SPAG16: variants seen among roughly 807,000 people sequenced by gnomAD.
SPAG16 encodes the protein sperm-associated antigen 16 protein.
SPAG16 carries 86 observed loss-of-function variants against 80.4 expected under a neutral mutation model. The observed-to-expected ratio is 1.07, with a 90% CI of 0.90 to 1.28. The LOEUF (loss-of-function observed/expected upper bound fraction) is 1.28, where lower values mean the gene tolerates loss of function less well. Ranked by LOEUF, SPAG16 falls within the 50% of genes most tolerant of loss-of-function variation. The pLI is 0.00. For synonymous variants in SPAG16, 294 were observed against 265.9 expected (o/e 1.11, Z -1.03); for missense variants, 870 against 765.3 (o/e 1.14, Z -1.61).
intron 1 of SPAG16, among the ~76,000 whole-genome samples, chr2:213,292,183 A>G (rs1476255081): frequency 6.6e-6 from 1 of 152,112 alleles, no homozygotes; most frequent in Admixed American, 6.6e-5. Flanking sequence ...CTTTTAGAGT[A>G]TTTACTTCTT....
intron 10 of SPAG16, among the ~76,000 whole-genome samples, chr2:213,661,475 G>T (rs6435782): frequency 0.39 from 59,570 of 151,834 alleles, 12,254 homozygotes; most frequent in African/African-American, 0.5. Context: ...TGAATGGAAT[G>T]CTAGGTGTGT....
intron 11 of SPAG16, among the ~76,000 whole-genome samples, chr2:213,910,867 G>C (rs1317038993): frequency 6.6e-6 from 1 of 151,996 alleles, no homozygotes; most frequent in Admixed American, 6.6e-5. Flanking sequence ...TCCAAATAAA[G>C]ACAGTAAGTT....
chr2:213,344,625 C>T (rs145676230), intron 6 of SPAG16, among the ~76,000 whole-genome samples: 3,641 of 151,986 alleles, frequency 0.024, 64 homozygotes, highest in African/African-American at 0.04. Flanking sequence ...TGAGAACATG[C>T]GGTGTTTGGT....
intron 10 of SPAG16, among the ~76,000 whole-genome samples, chr2:213,649,512 C>A (rs2062947940): frequency 6.6e-6 from 1 of 152,162 alleles, no homozygotes; most frequent in Non-Finnish European, 1.5e-5. Flanking sequence ...AAAACAGCAA[C>A]AACAGTATAA....
chr2:213,534,015 T>G (rs775409173), intron 10 of SPAG16, among the ~76,000 whole-genome samples: 7 of 152,140 alleles, frequency 4.6e-5, no homozygotes, highest in Non-Finnish European at 1.0e-4. Context: ...TTTTTATTTT[T>G]GATATTCTGA....
At chr2:214,313,654 A>T (rs1695481843) in intron 15 of SPAG16, among the ~76,000 whole-genome samples, 1 of 152,048 alleles carries the variant, frequency 6.6e-6, no homozygotes, top group African/African-American at 2.4e-5. Flanking sequence ...AATAATTTTT[A>T]TATTTTTCTC....
At chr2:214,263,666 G>A (rs1691342955) in intron 15 of SPAG16, among the ~76,000 whole-genome samples, 1 of 152,116 alleles carries the variant, frequency 6.6e-6, no homozygotes, top group South Asian at 2.1e-4. Context: ...TCAGCATATG[G>A]ACAACTCCTT....
chr2:213,567,016 A>G (rs1559262410), intron 10 of SPAG16, among the ~76,000 whole-genome samples: 1 of 152,146 alleles, frequency 6.6e-6, no homozygotes, highest in Non-Finnish European at 1.5e-5. Context: ...TGCTGATAAT[A>G]TAATGTTCAT....
At chr2:214,071,959 T>TTTAA (rs2050806202) in intron 13 of SPAG16, among the ~76,000 whole-genome samples, 1 of 152,148 alleles carries the variant, frequency 6.6e-6, no homozygotes, top group South Asian at 2.1e-4. Context: ...TAGTGAAATT[T>TTTAA]CTCATTGGTT....
At chr2:213,479,653 G>GTT (rs2073644984) in intron 9 of SPAG16, among the ~76,000 whole-genome samples, 1 of 152,142 alleles carries the variant, frequency 6.6e-6, no homozygotes, top group African/African-American at 2.4e-5. Flanking sequence ...TTGGAACTGA[G>GTT]AGGCAACAGG....
intron 15 of SPAG16, among the ~76,000 whole-genome samples, chr2:214,171,385 T>G (rs552608943): frequency 6.6e-6 from 1 of 152,042 alleles, no homozygotes; most frequent in Non-Finnish European, 1.5e-5. Flanking sequence ...CAAAATATAT[T>G]TTGTTGTTTT....
At chr2:213,711,500 T>G (rs1227200437) in intron 10 of SPAG16, among the ~76,000 whole-genome samples, 1 of 151,226 alleles carries the variant, frequency 6.6e-6, no homozygotes, top group Non-Finnish European at 1.5e-5. Flanking sequence ...ATAATAATTT[T>G]TATTTATTTT....
At chr2:214,070,926 T>A (rs953462723) in intron 13 of SPAG16, among the ~76,000 whole-genome samples, 6 of 152,034 alleles carry the variant, frequency 3.9e-5, no homozygotes, top group Non-Finnish European at 5.9e-5. Flanking sequence ...GAAAATATAG[T>A]AGAGAAAGTT....
intron 10 of SPAG16, among the ~76,000 whole-genome samples, chr2:213,592,403 C>A (rs1360934648): frequency 6.6e-6 from 1 of 152,024 alleles, no homozygotes; most frequent in Non-Finnish European, 1.5e-5. Context: ...AGTCTACATA[C>A]TAATATTCTG....
At chr2:213,503,356 A>G (rs946177972) in intron 10 of SPAG16, among the ~76,000 whole-genome samples, 1 of 152,198 alleles carries the variant, frequency 6.6e-6, no homozygotes, top group Non-Finnish European at 1.5e-5. Flanking sequence ...CCTTTTAGAT[A>G]TCTTTATGAC....
intron 11 of SPAG16, among the ~76,000 whole-genome samples, chr2:213,902,053 A>G (rs1240774752): frequency 6.6e-6 from 1 of 152,234 alleles, no homozygotes; most frequent in Non-Finnish European, 1.5e-5. Context: ...CTGGGTTTTC[A>G]TATTTAGGCC....
chr2:214,253,859 T>C (rs1046382221), intron 15 of SPAG16, among the ~76,000 whole-genome samples: 6 of 152,162 alleles, frequency 3.9e-5, no homozygotes, highest in African/African-American at 1.2e-4. Flanking sequence ...TGGAGATTGA[T>C]GGGGATAGCA....
chr2:213,731,848 A>G (rs145054537), intron 10 of SPAG16, among the ~76,000 whole-genome samples: 73 of 152,130 alleles, frequency 4.8e-4, no homozygotes, highest in Middle Eastern at 3.4e-3. Flanking sequence ...CATTTTCTTT[A>G]TCCACTCTTG....
At chr2:213,820,053 C>T (rs2072845000) in intron 10 of SPAG16, among the ~76,000 whole-genome samples, 1 of 150,596 alleles carries the variant, frequency 6.6e-6, no homozygotes, top group South Asian at 2.1e-4. Context: ...GCTGGGATTA[C>T]AGGCGTGAGC....
Sources: allele counts gnomAD v4.1 joint callset (sites outside exome capture counted in the v4.1 genomes callset), GRCh38; gene constraint gnomAD v4.1.1; transcripts MANE v1.5; gene names NCBI Gene and HGNC (gene_info 2026-07-23, HGNC 2026-07-21).